Variants in PLEKHG5 observed in about 807,000 individuals in gnomAD.
PLEKHG5 encodes the protein pleckstrin homology and RhoGEF domain containing G5, also known as pleckstrin homology domain-containing family G member 5.
In PLEKHG5, 52 loss-of-function variants were observed where a neutral mutation model predicts 103.8. The ratio of observed to expected loss-of-function variants is 0.50; its 90% CI spans 0.40 to 0.63. The LOEUF is 0.63. Ranked by LOEUF, PLEKHG5 falls within the 30% of genes least tolerant of loss-of-function variation. PLEKHG5 has a pLI of 0.00. For synonymous variants in PLEKHG5, 592 were observed against 575.5 expected (o/e 1.03, Z -0.41); for missense variants, 1,205 against 1,347.6 (o/e 0.89, Z 1.66).
At chr1:6,513,740 C>T (rs954308969) in intron 1 of PLEKHG5, among the ~76,000 whole-genome samples, 42 of 152,346 alleles carry the variant, frequency 2.8e-4, no homozygotes, top group African/African-American at 8.4e-4. Context: ...ACCCCATTGT[C>T]GAAACACTGG....
intron 1 of PLEKHG5, among the ~76,000 whole-genome samples, chr1:6,504,788 C>G (rs935063727): frequency 1.3e-5 from 2 of 152,166 alleles, no homozygotes; most frequent in Admixed American, 6.5e-5. Context: ...TCAGGCTGGT[C>G]TCGATTCCCT....
At chr1:6,478,243 C>G (rs1318529978) in intron 1 of PLEKHG5, among the ~76,000 whole-genome samples, 1 of 152,098 alleles carries the variant, frequency 6.6e-6, no homozygotes, top group Non-Finnish European at 1.5e-5. Context: ...ACAATCATGG[C>G]TCACTGCAGC....
Position 6,473,074 on chromosome 1 carries a change from CA to C in PLEKHG5, c.895del (p.Trp299GlyfsTer16). The C allele has an allele frequency of 6.2e-7, 1 of 1,613,920 alleles. No homozygotes were observed. The highest frequency in any genetic ancestry group is 8.5e-7 in the Non-Finnish European group (1 of 1,179,856). Reference sequence around the variant, plus strand: ...CTCGTCTTCATCGTACTCCTCCTCCCAGGAGTCATGGTCGAAGCGCAGCCCC... The same window carrying C: ...CTCGTCTTCATCGTACTCCTCCTCCCGGAGTCATGGTCGAAGCGCAGCCCC... ...PRGLRFDHDSWEEEYDEDEDE... is the reference protein window; with the variant it reads ...PRGLRFDHDSXEEEYDEDEDE... On this transcript the variant is annotated frameshift_variant, in exon 9 of 21. Coordinates refer to ENST00000377728, the MANE Select transcript of PLEKHG5 (RefSeq NM_020631.6). LOFTEE classifies it high-confidence loss of function.
chr1:6,502,522 C>T (rs1277882021), intron 1 of PLEKHG5, among the ~76,000 whole-genome samples: 1 of 152,234 alleles, frequency 6.6e-6, no homozygotes, highest in Non-Finnish European at 1.5e-5. Context: ...ACTGTCCACA[C>T]AGCTCTGCAC....
chr1:6,472,453 G>T (rs1292969156), intron 10 of PLEKHG5, 74 bp downstream of exon 10: 3 of 1,069,430 alleles, frequency 2.8e-6, no homozygotes, highest in East Asian at 2.5e-5. Context: ...TTCTGCAAAG[G>T]CTCAGACTCA....
At chr1:6,502,901 C>T (rs1289027084) in intron 1 of PLEKHG5, among the ~76,000 whole-genome samples, 2 of 152,230 alleles carry the variant, frequency 1.3e-5, no homozygotes, top group African/African-American at 4.8e-5. Flanking sequence ...TGTGTGCAGC[C>T]CCCCGGCGCC....
rs367940379 is a variant in PLEKHG5 at position 6,474,994 on chromosome 1, G to A, written c.302+53C>T. 70 of 1,096,246 alleles carry A rather than the reference G, an allele frequency of 6.4e-5. No homozygotes were observed. The African/African-American group carries it at 9.1e-4, about 14-fold the overall frequency. 67.9% of individuals were successfully genotyped at this position (1,096,246 alleles called of 1,614,324 possible). ...GCAGAGACCCGGAGCCTGCAACATG[G>A]GGCCACCCCTACTCCCAGTCCCACT... On this transcript the variant is annotated intron_variant, in intron 5 of 20. Transcript: ENST00000377728.
In PLEKHG5 at chr1:6,469,122, T is replaced by TTCCTCC. The variant is rs113541584; in HGVS notation, c.2163_2168dup (p.Glu722_Glu723dup). 5.8e-5 allele frequency: 92 copies of TTCCTCC among 1,590,494 alleles called. No individual in the cohort carries two copies. The Admixed American group carries it at 8.4e-4, about 15-fold the overall frequency. ...CAGCTGAAGTGCCACTGTCCTCGCC[T>TTCCTCC]TCCTCCTCCTCCTCCTCCTCCTCCT... On this transcript the variant is annotated inframe_insertion, in exon 19 of 21. Transcript: ENST00000377728.
chr1:6,512,454 C>T (rs1557772923), intron 1 of PLEKHG5, among the ~76,000 whole-genome samples: 5 of 152,318 alleles, frequency 3.3e-5, no homozygotes, highest in South Asian at 4.1e-4. Context: ...CCCGGGCTAC[C>T]GAGTGTGTGG....
In PLEKHG5 at chr1:6,470,898, G is replaced by C; in HGVS notation, c.1393-14C>G. Reference sequence around the variant, plus strand: ...CTTCTCCGCCCACTGCGGTGGGGGAGTGGGGGCGGGCTCAGGGCAGGCCCC... The same window carrying C: ...CTTCTCCGCCCACTGCGGTGGGGGACTGGGGGCGGGCTCAGGGCAGGCCCC... On this transcript the variant is annotated splice_polypyrimidine_tract_variant and intron_variant, in intron 13 of 20. Transcript: ENST00000377728. 2.1e-6 allele frequency: 3 copies of C among 1,404,926 alleles called. No homozygotes were observed. Among genetic ancestry groups the C allele is most frequent in the Non-Finnish European group, 2.8e-6 (3 of 1,082,440 alleles). 87.0% of individuals were successfully genotyped at this position (1,404,926 alleles called of 1,614,324 possible).
chr1:6,504,166 G>T (rs1197296138), intron 1 of PLEKHG5, among the ~76,000 whole-genome samples: 1 of 152,192 alleles, frequency 6.6e-6, no homozygotes, highest in African/African-American at 2.4e-5. Context: ...GCAGGAAGCT[G>T]CCGGGTGAAG....
At chr1:6,483,757 G>C (rs574716508) in intron 1 of PLEKHG5, among the ~76,000 whole-genome samples, 1 of 152,260 alleles carries the variant, frequency 6.6e-6, no homozygotes, top group Admixed American at 6.5e-5. Flanking sequence ...GCACTGCTGA[G>C]AGAAACATCA....
At chr1:6,476,489 G>A (rs961206836) in intron 2 of PLEKHG5, among the ~76,000 whole-genome samples, 1 of 152,158 alleles carries the variant, frequency 6.6e-6, no homozygotes, top group African/African-American at 2.4e-5. Context: ...CACCTTGCCT[G>A]GCCTTAGTCA....
chr1:6,504,923 T>A (rs1638266666), intron 1 of PLEKHG5, among the ~76,000 whole-genome samples: 1 of 152,112 alleles, frequency 6.6e-6, no homozygotes, highest in Admixed American at 6.5e-5. Flanking sequence ...CCCTCTTGCC[T>A]CCCAATGTGG....
intron 1 of PLEKHG5, among the ~76,000 whole-genome samples, chr1:6,481,649 G>C (rs1043134667): frequency 6.6e-6 from 1 of 151,650 alleles, no homozygotes; most frequent in Non-Finnish European, 1.5e-5. Context: ...CGGATCACAA[G>C]GTCAGGAGAT....
chr1:6,511,870 G>A (rs1638481875), intron 1 of PLEKHG5, among the ~76,000 whole-genome samples: 1 of 152,236 alleles, frequency 6.6e-6, no homozygotes, highest in African/African-American at 2.4e-5. Flanking sequence ...AGGAAGCCCA[G>A]GGCCGGGCAG....
In PLEKHG5 at chr1:6,469,364, C is replaced by T. The variant is rs1380230319; in HGVS notation, c.2020G>A (p.Gly674Ser). ...FQASGQALCR[G>S]WVDTIYNAQN... ...GCATTGTAAATGGTGTCCACCCAGC[C>T]ACGGCACAAGGCCTGGCCACTGGCC... is the stretch of plus-strand genomic sequence containing the variant. Residue 674 changes from glycine (G) to serine (S), a missense_variant, in exon 18 of 21, where the codon GGC becomes AGC. Gly to Ser is a moderately conservative substitution (Grantham distance 56). Transcript: ENST00000377728. The T allele has an allele frequency of 6.2e-7, 1 of 1,614,056 alleles. No individual in the cohort carries two copies. The highest frequency in any genetic ancestry group is 8.5e-7 in the Non-Finnish European group (1 of 1,180,052).
At chr1:6,482,094 T>C (rs1569922500) in intron 1 of PLEKHG5, among the ~76,000 whole-genome samples, 2 of 151,962 alleles carry the variant, frequency 1.3e-5, no homozygotes, top group African/African-American at 4.8e-5. Context: ...CTGAGATGCT[T>C]TTCCCCAGAT....
chr1:6,472,920 T>C (rs758174100), intron 9 of PLEKHG5, 66 bp downstream of exon 9: 78 of 1,478,418 alleles, frequency 5.3e-5, no homozygotes, highest in Non-Finnish European at 7.3e-5. Flanking sequence ...ATCTGATCAC[T>C]GGGTCCTCCC....
Sources: allele counts gnomAD v4.1 joint callset (sites outside exome capture counted in the v4.1 genomes callset), GRCh38; gene constraint gnomAD v4.1.1; transcripts MANE v1.5; gene names NCBI Gene and HGNC (gene_info 2026-07-23, HGNC 2026-07-21).